The following DYNC1H1 variants were observed in gnomAD, a reference collection of about 807,000 sequenced individuals.
DYNC1H1 encodes the protein cytoplasmic dynein 1 heavy chain 1.
DYNC1H1 carries 51 observed loss-of-function variants against 527.1 expected under a neutral mutation model. That is an observed-to-expected ratio of 0.10 (90% CI 0.08 to 0.12). The LOEUF is 0.12. Among genes scored for constraint, DYNC1H1 ranks in the 10% least tolerant of loss-of-function variants. The probability of loss-of-function intolerance (pLI) is 1.00; values close to 1 mark genes in which losing one functional copy is unlikely to be tolerated. For missense variants in DYNC1H1, 2,771 were observed against 5,971.8 expected (o/e 0.46, Z 17.66); for synonymous variants, 2,189 against 2,278.8 (o/e 0.96, Z 1.12).
chr14:101,986,309 C>G lies in DYNC1H1; in HGVS notation c.2084C>G (p.Thr695Arg). The change falls in exon 8 of 78, where the codon ACG becomes AGG. Residue 695 changes from threonine to arginine, a missense_variant. Around this residue, in one of 32 missense-constraint regions of DYNC1H1, gnomAD observed 264 missense variants for 619.4 expected, o/e 0.43. Transcript: ENST00000360184. The surrounding 1 kb of genome is among the most constrained non-coding windows in gnomAD (Gnocchi z 8.7). ...GACAGCTTCCGCATGAAGCTCAACA[C>G]GCAGGAGATCTTTGATGACTGGGCA... ...DGDSFRMKLNTQEIFDDWARK... is the reference protein window; with the variant it reads ...DGDSFRMKLNRQEIFDDWARK... The G allele has an allele frequency of 6.2e-7, 1 of 1,613,846 alleles. No homozygotes were observed. Among genetic ancestry groups the G allele is most frequent in the Non-Finnish European group, 8.5e-7 (1 of 1,179,960 alleles).
chr14:102,049,074 G>C lies in DYNC1H1; in HGVS notation c.13373-366G>C, dbSNP rs572264856. 2.3e-6 allele frequency: 1 copy of C among 426,896 alleles called. No homozygotes were observed. The highest frequency in any genetic ancestry group is 4.4e-6 in the Non-Finnish European group (1 of 228,292). The allele number at this position is 426,896 out of a possible 1,614,324, so 26.4% of individuals were successfully genotyped here. ...GGGGGCTCATCCAAAGTTGTGGGGA[G>C]CCCCCAGCATCCTCCTGTTTGCCCC... is the stretch of plus-strand genomic sequence containing the variant. On this transcript the variant is annotated intron_variant, in intron 74 of 77. Transcript: ENST00000360184. The surrounding 1 kb of genome is among the most constrained non-coding windows in gnomAD (Gnocchi z 5.5).
In DYNC1H1 at chr14:101,979,527, A is replaced by T; in HGVS notation, c.518+35A>T. 1 of 1,613,726 alleles carries T rather than the reference A, an allele frequency of 6.2e-7. No individual in the cohort carries two copies. Among genetic ancestry groups the T allele is most frequent in the Non-Finnish European group, 8.5e-7 (1 of 1,179,732 alleles). ...GTGGTTTGAATGTTATATTTCACTTAATGTTCACAAGATAGTATAGAACTC... is the reference window on the plus strand; with the variant it reads ...GTGGTTTGAATGTTATATTTCACTTTATGTTCACAAGATAGTATAGAACTC... On this transcript the variant is annotated intron_variant, in intron 3 of 77. Transcript: ENST00000360184. The surrounding 1 kb of genome is among the most constrained non-coding windows in gnomAD (Gnocchi z 4.6).
rs2048759576 is a variant in DYNC1H1 at position 102,048,620 on chromosome 14, G to C, written c.13323G>C (p.Lys4441Asn). 6 of 1,614,076 alleles carry C rather than the reference G, an allele frequency of 3.7e-6. No homozygotes were observed. In the East Asian group the frequency reaches 8.9e-5, roughly 24 times the overall value. Residue 4441 changes from lysine (K) to asparagine (N), a missense_variant, in exon 74 of 78, where the codon AAG becomes AAC. This residue lies in a region of DYNC1H1 where 170 missense variants were observed against 249.8 expected (regional missense o/e 0.68). Transcript: ENST00000360184. ...ATGTCGTCCAGGTGTGCGAAGGAAA[G>C]AAGAAGCAGACCAACTACTTGCGCA... ...LADVVQVCEG[K>N]KKQTNYLRTL...
chr14:101,973,879 C>T (rs1299367400), intron 1 of DYNC1H1, among the ~76,000 whole-genome samples: 1 of 152,134 alleles, frequency 6.6e-6, no homozygotes. Context: ...GCTAAGGAAG[C>T]AAATAGCTTT....
At chr14:101,989,276 A>G (rs2047969367) in intron 10 of DYNC1H1, among the ~76,000 whole-genome samples, 1 of 152,262 alleles carries the variant, frequency 6.6e-6, no homozygotes, top group East Asian at 1.9e-4. Flanking sequence ...CAAGAACTGC[A>G]TGTAATCCAC....
intron 29 of DYNC1H1, 129 bp downstream of exon 29, chr14:102,008,466 T>C (rs775374592): frequency 1.0e-5 from 13 of 1,276,186 alleles, no homozygotes; most frequent in Admixed American, 2.0e-5. Context: ...TTACAGGCAG[T>C]GTAGTGAGCT....
intron 28 of DYNC1H1, among the ~76,000 whole-genome samples, chr14:102,007,473 A>G (rs1277802910): frequency 1.3e-5 from 2 of 152,088 alleles, no homozygotes; most frequent in African/African-American, 4.8e-5. Flanking sequence ...TGTCATTGAG[A>G]TTTTTTTGGC....
At position 101,986,582 on chromosome 14, in the gene DYNC1H1, G is replaced by C. The variant is rs1181434652; in HGVS notation, c.2357G>C (p.Arg786Pro). ...GCCATCTCACTGATCGAGAGCGTTCGTACCTATGAACGGACCTGCGAGAAG... is the reference window on the plus strand; with the variant it reads ...GCCATCTCACTGATCGAGAGCGTTCCTACCTATGAACGGACCTGCGAGAAG... ...PFAISLIESV[R>P]TYERTCEKVE... is the part of the protein sequence containing the mutation. The change falls in exon 8 of 78, where the codon CGT becomes CCT. Residue 786 changes from arginine to proline, a missense_variant. Around this residue, in one of 32 missense-constraint regions of DYNC1H1, gnomAD observed 264 missense variants for 619.4 expected, o/e 0.43. Coordinates refer to ENST00000360184, the MANE Select transcript of DYNC1H1 (RefSeq NM_001376.5). The surrounding 1 kb of genome is among the most constrained non-coding windows in gnomAD (Gnocchi z 8.7). 6.2e-7 allele frequency: 1 copy of C among 1,614,086 alleles called. No individual in the cohort carries two copies. Among genetic ancestry groups the C allele is most frequent in the Non-Finnish European group, 8.5e-7 (1 of 1,179,998 alleles).
chr14:102,024,293 C>T (rs972238204), intron 43 of DYNC1H1, among the ~76,000 whole-genome samples: 5 of 152,180 alleles, frequency 3.3e-5, no homozygotes, highest in Non-Finnish European at 7.3e-5. Context: ...AGGATGAGGA[C>T]GTTTACCGAG....
intron 2 of DYNC1H1, 126 bp downstream of exon 2, chr14:101,975,925 G>C (rs1476868847): frequency 3.0e-6 from 2 of 668,766 alleles, no homozygotes; most frequent in Non-Finnish European, 4.6e-6. Flanking sequence ...TTTTTTTTTT[G>C]AGACGGAGTT....
rs2048339783 is a variant in DYNC1H1, at chr14:102,017,700, C to T, written c.8177+196C>T. On this transcript the variant is annotated intron_variant, in intron 40 of 77. Coordinates refer to ENST00000360184, the MANE Select transcript of DYNC1H1 (RefSeq NM_001376.5). The surrounding 1 kb of genome is among the most constrained non-coding windows in gnomAD (Gnocchi z 4.6). Reference sequence around the variant, plus strand: ...TAAAAGCATTGGCCGGGCGCAGTGGCTTACGCCTATAATCCCAGCACTTTG... The same window carrying T: ...TAAAAGCATTGGCCGGGCGCAGTGGTTTACGCCTATAATCCCAGCACTTTG... The T allele has an allele frequency of 4.7e-6, 5 of 1,060,132 alleles. No individual in the cohort carries two copies. In the African/African-American group the frequency reaches 4.8e-5, roughly 10 times the overall value. 65.7% of individuals were successfully genotyped at this position (1,060,132 alleles called of 1,614,324 possible).
In DYNC1H1 at chr14:102,029,454, C is replaced by G; in HGVS notation, c.9469-85C>G. The G allele has an allele frequency of 6.3e-7, 1 of 1,581,134 alleles. No individual in the cohort carries two copies. The highest frequency in any genetic ancestry group is 2.3e-5 in the East Asian group (1 of 44,046). Reference sequence around the variant, plus strand: ...GCCAGGCTCCTTCTATCATGTCACACCCATCTGCCAAGGCCAAAATTGTTT... The same window carrying G: ...GCCAGGCTCCTTCTATCATGTCACAGCCATCTGCCAAGGCCAAAATTGTTT... On this transcript the variant is annotated intron_variant, in intron 48 of 77. Transcript: ENST00000360184. The surrounding 1 kb of genome is among the most constrained non-coding windows in gnomAD (Gnocchi z 5.3).
rs1233112601 is a variant in DYNC1H1, at chr14:101,985,739, T to C, written c.1514T>C (p.Met505Thr). The C allele has an allele frequency of 6.2e-7, 1 of 1,614,192 alleles. No individual in the cohort carries two copies. ...GGAGAGGTCCCTGAACCCCAAGATA[T>C]GAAAGTGGCTGAGGTTCTCTTTGAT... ...NQGEVPEPQD[M>T]KVAEVLFDAA... Residue 505 changes from methionine (M) to threonine (T), a missense_variant, in exon 8 of 78, where the codon ATG becomes ACG. Around this residue, in one of 32 missense-constraint regions of DYNC1H1, gnomAD observed 264 missense variants for 619.4 expected, o/e 0.43. Transcript: ENST00000360184. This position sits in a 1 kb window ranked among gnomAD's most constrained non-coding sequence, Gnocchi z 5.9.
chr14:101,969,301 T>G (rs1052941577), intron 1 of DYNC1H1: 3 of 153,118 alleles, frequency 2.0e-5, no homozygotes, highest in Non-Finnish European at 4.4e-5. Context: ...ATTACAGGCG[T>G]GAGCCACCGT....
At chr14:101,967,032 T>G (rs535670408) in intron 1 of DYNC1H1, among the ~76,000 whole-genome samples, 1 of 152,336 alleles carries the variant, frequency 6.6e-6, no homozygotes, top group South Asian at 2.1e-4. Context: ...TAACAATCCT[T>G]GAAGTATTTC....
chr14:102,041,396 G>A lies in DYNC1H1; in HGVS notation c.11942-178G>A. On this transcript the variant is annotated intron_variant, in intron 64 of 77. Transcript: ENST00000360184. The surrounding 1 kb of genome is among the most constrained non-coding windows in gnomAD (Gnocchi z 4.5). ...TCCAGGTAGTAAGGTGTTCTCACAG[G>A]CGTGTCCAGAGGGCTCACGGAAGGC... 1 of 932,436 alleles carries A rather than the reference G, an allele frequency of 1.1e-6. No homozygotes were observed. The highest frequency in any genetic ancestry group is 1.7e-6 in the Non-Finnish European group (1 of 587,592). The allele number at this position is 932,436 out of a possible 1,614,324, so 57.8% of individuals were successfully genotyped here.
rs1279522807 is a variant in DYNC1H1 at position 102,053,039 on chromosome 14, T to A, written c.*2476T>A. On this transcript the variant is annotated 3_prime_UTR_variant, in exon 78 of 78. Transcript: ENST00000360184. ...GTGTTTCTCAGTCCAAGAGCAGTTCTGCGAGGCGGAATCAAGTCTAACATG... is the reference window on the plus strand; with the variant it reads ...GTGTTTCTCAGTCCAAGAGCAGTTCAGCGAGGCGGAATCAAGTCTAACATG... 6.6e-6 allele frequency: 1 copy of A among 152,212 alleles called. No individual in the cohort carries two copies. The highest frequency in any genetic ancestry group is 6.5e-5 in the Admixed American group (1 of 15,278). The allele number at this position is 152,212 out of a possible 1,614,324, so 9.4% of individuals were successfully genotyped here.
intron 42 of DYNC1H1, 85 bp from the exon 43 acceptor site, chr14:102,022,666 C>G: frequency 6.3e-7 from 1 of 1,596,850 alleles, no homozygotes; most frequent in Non-Finnish European, 8.6e-7. Context: ...TTGGAAGAGC[C>G]CACAGCACCC....
chr14:102,041,260 G>A lies in DYNC1H1; in HGVS notation c.11942-314G>A. 2.4e-6 allele frequency: 1 copy of A among 422,036 alleles called. No individual in the cohort carries two copies. The highest frequency in any genetic ancestry group is 4.5e-6 in the Non-Finnish European group (1 of 224,378). The allele number at this position is 422,036 out of a possible 1,614,324, so 26.1% of individuals were successfully genotyped here. ...GAGAGGAAGTGTCAGACTGTGGAGG[G>A]CAGAGCGTGGAGCCCCCTTCCTGAG... On this transcript the variant is annotated intron_variant, in intron 64 of 77. Transcript: ENST00000360184. This position sits in a 1 kb window ranked among gnomAD's most constrained non-coding sequence, Gnocchi z 4.5.
Sources: allele counts gnomAD v4.1 joint callset (sites outside exome capture counted in the v4.1 genomes callset), GRCh38; gene constraint gnomAD v4.1.1; regional missense constraint gnomAD v4.1.1; non-coding constraint Gnocchi (gnomAD v3.1); transcripts MANE v1.5; gene names NCBI Gene and HGNC (gene_info 2026-07-23, HGNC 2026-07-21).